Variants in AIM2 observed in about 807,000 individuals in gnomAD.
AIM2 encodes the protein absent in melanoma 2.
A neutral mutation model predicts 27.7 loss-of-function variants in AIM2; 30 were observed. The observed-to-expected ratio is 1.08, with a 90% CI of 0.81 to 1.47. The LOEUF (loss-of-function observed/expected upper bound fraction) is 1.47. AIM2 is among the 40% of genes most tolerant of loss of function. The pLI, the probability that AIM2 is intolerant of heterozygous loss-of-function variation, is 0.00. For missense variants in AIM2, 358 were observed against 411.3 expected (o/e 0.87, Z 1.12); for synonymous variants, 141 against 145.3 (o/e 0.97, Z 0.21).
intron 1 of AIM2, among the ~76,000 whole-genome samples, chr1:159,116,291 T>C (rs1338695558): frequency 6.6e-6 from 1 of 152,164 alleles, no homozygotes; most frequent in African/African-American, 2.4e-5. Context: ...CTCAGGGATC[T>C]AGAACTAGAA....
intron 1 of AIM2, among the ~76,000 whole-genome samples, chr1:159,091,957 G>A (rs1387573077): frequency 6.6e-6 from 1 of 152,218 alleles, no homozygotes; most frequent in Non-Finnish European, 1.5e-5. Context: ...GAAACAGAGG[G>A]TGATTGCCCA....
chr1:159,141,442 G>A (rs1648107840), upstream of AIM2, among the ~76,000 whole-genome samples: 1 of 152,174 alleles, frequency 6.6e-6, no homozygotes, highest in Admixed American at 6.5e-5. Flanking sequence ...ATCTGTAAGA[G>A]AGGAATACAG....
At chr1:159,056,703 A>T in the AIM2 span, among the ~76,000 whole-genome samples, 2 of 143,730 alleles carry the variant, frequency 1.4e-5, no homozygotes, top group African/African-American at 5.3e-5. Flanking sequence ...GAGGGAGGCC[A>T]AAAGCCCAAC....
intron 1 of AIM2, among the ~76,000 whole-genome samples, chr1:159,130,840 ACACG>A (rs1557915273): frequency 8.1e-5 from 11 of 135,078 alleles, no homozygotes; most frequent in East Asian, 2.2e-4. Context: ...ACACACACAC[ACACG>A]CACGCACTCT....
chr1:159,068,123 C>T (rs535689671), intron 3 of AIM2, among the ~76,000 whole-genome samples: 2 of 152,106 alleles, frequency 1.3e-5, no homozygotes, highest in Non-Finnish European at 2.9e-5. Context: ...CCACAGACTC[C>T]CTCACAAATC....
intron 1 of AIM2, among the ~76,000 whole-genome samples, chr1:159,074,641 T>C (rs1321167781): frequency 6.6e-6 from 1 of 152,088 alleles, no homozygotes; most frequent in Non-Finnish European, 1.5e-5. Context: ...AGTTTATAAC[T>C]ATAAGATTAA....
At chr1:159,081,354 T>C, upstream of AIM2, 1 of 293,042 alleles carries the variant, frequency 3.4e-6, no homozygotes, top group Non-Finnish European at 6.8e-6. Flanking sequence ...TTGCACCACA[T>C]AAAAATCTTT....
intron 1 of AIM2, among the ~76,000 whole-genome samples, chr1:159,105,875 C>G (rs558291423): frequency 2.6e-4 from 40 of 152,236 alleles, no homozygotes; most frequent in African/African-American, 9.1e-4. Flanking sequence ...GCAGACTCCA[C>G]CCAACACTGA....
intron 1 of AIM2, among the ~76,000 whole-genome samples, chr1:159,099,301 A>G (rs1290735939): frequency 6.6e-6 from 1 of 152,196 alleles, no homozygotes; most frequent in Non-Finnish European, 1.5e-5. Context: ...CCAGGTAGGC[A>G]ATGGTTAGAG....
chr1:159,084,726 G>A (rs1656860670), intron 1 of AIM2, among the ~76,000 whole-genome samples: 1 of 151,018 alleles, frequency 6.6e-6, no homozygotes, highest in South Asian at 2.1e-4. Context: ...AGTGAGTGGT[G>A]ATCAAACCAC....
chr1:159,100,952 C>T (rs954889490), intron 1 of AIM2, among the ~76,000 whole-genome samples: 1 of 152,198 alleles, frequency 6.6e-6, no homozygotes, highest in African/African-American at 2.4e-5. Flanking sequence ...CTACTGTCCC[C>T]CAGGCTGAAG....
intron 1 of AIM2, among the ~76,000 whole-genome samples, chr1:159,096,764 A>G (rs1657189155): frequency 1.3e-5 from 2 of 152,292 alleles, no homozygotes; most frequent in African/African-American, 4.8e-5. Flanking sequence ...AGGTACCAGC[A>G]GGCTGGAGAG....
At chr1:159,070,350 A>G (rs1656300408) in intron 2 of AIM2, among the ~76,000 whole-genome samples, 1 of 152,224 alleles carries the variant, frequency 6.6e-6, no homozygotes, top group South Asian at 2.1e-4. Context: ...GGATGAAGAA[A>G]TGGATGGATG....
At chr1:159,061,506 C>T (rs1458489052), downstream of AIM2, among the ~76,000 whole-genome samples, 1 of 151,840 alleles carries the variant, frequency 6.6e-6, no homozygotes, top group Non-Finnish European at 1.5e-5. Flanking sequence ...GATTCTCCTG[C>T]CTCAGCCTCC....
At chr1:159,137,524 G>A (rs932805660) in intron 1 of AIM2, among the ~76,000 whole-genome samples, 6 of 152,110 alleles carry the variant, frequency 3.9e-5, no homozygotes, top group East Asian at 1.9e-4. Flanking sequence ...GGGCATGTTG[G>A]TGCGCGTCTG....
chr1:159,141,535 C>A (rs1557918048), upstream of AIM2, among the ~76,000 whole-genome samples: 1 of 152,068 alleles, frequency 6.6e-6, no homozygotes, highest in African/African-American at 2.4e-5. Context: ...TCCCCTATAG[C>A]CTCCAGGGAG....
upstream of AIM2, chr1:159,081,581 T>C (rs1006353070): frequency 9.6e-5 from 44 of 459,948 alleles, no homozygotes; most frequent in African/African-American, 8.3e-4. Context: ...GATTTTGCAG[T>C]CTGTCACCAT....
intron 1 of AIM2, 32 bp from the exon 2 acceptor site, chr1:159,073,551 C>T: frequency 1.9e-6 from 3 of 1,549,534 alleles, no homozygotes; most frequent in Non-Finnish European, 2.6e-6. Flanking sequence ...TAAGATTACA[C>T]CACCAAAAGT....
chr1:159,077,094 C>T (rs558517014), upstream of AIM2, among the ~76,000 whole-genome samples: 26 of 152,318 alleles, frequency 1.7e-4, no homozygotes, highest in African/African-American at 6.3e-4. Flanking sequence ...GCCAGTAGGG[C>T]AGTGCAGGTT....
Sources: gnomAD v4.1 joint callset for allele counts (sites outside exome capture counted in the v4.1 genomes callset) on GRCh38, gnomAD v4.1.1 for gene constraint, MANE v1.5 for transcripts, NCBI Gene and HGNC (gene_info 2026-07-23, HGNC 2026-07-21) for gene names.